CTNNA3: variants seen among roughly 807,000 people sequenced by gnomAD.
CTNNA3 encodes the protein catenin alpha-3.
Under a neutral mutation model 95.7 loss-of-function variants are expected in CTNNA3, and 76 were observed. That is an observed-to-expected ratio of 0.79 (90% CI 0.66 to 0.96). The LOEUF (loss-of-function observed/expected upper bound fraction) is 0.96. Among genes scored for constraint, CTNNA3 ranks in the 40% least tolerant of loss-of-function variants. CTNNA3 has a pLI of 0.00. For synonymous variants in CTNNA3, 431 were observed against 374.4 expected (o/e 1.15, Z -1.74); for missense variants, 1,191 against 1,089.8 (o/e 1.09, Z -1.31).
chr10:67,502,711 G>T (rs1358688007), intron 5 of CTNNA3, among the ~76,000 whole-genome samples: 1 of 152,200 alleles, frequency 6.6e-6, no homozygotes, highest in Non-Finnish European at 1.5e-5. Context: ...CAGCGGCTTT[G>T]CTGAGCTGTG....
chr10:66,124,977 A>G (rs868596114), intron 13 of CTNNA3, among the ~76,000 whole-genome samples: 1 of 152,304 alleles, frequency 6.6e-6, no homozygotes. Flanking sequence ...TGAATTGTCA[A>G]TTAGGAAAAA....
rs545789788 is a variant in CTNNA3 at position 67,743,216 on chromosome 10, C to T, written c.-2+20218G>A. On this transcript the variant is annotated intron_variant, in intron 1 of 17. Coordinates refer to the CTNNA3 transcript ENST00000684154. ...CACAACCAAAAAGAGAATTTTAGACCAATATCCTTGATGAACATTGATGCA... is the reference window on the plus strand; with the variant it reads ...CACAACCAAAAAGAGAATTTTAGACTAATATCCTTGATGAACATTGATGCA... 7.7e-4 allele frequency among the ~76,000 whole-genome samples: 117 copies of T among 151,274 alleles called. 1 individual carries two copies. The highest frequency in any genetic ancestry group is 2.7e-3 in the African/African-American group (113 of 41,402).
chr10:66,419,320 T>A (rs1228230630), intron 11 of CTNNA3, among the ~76,000 whole-genome samples: 3 of 151,832 alleles, frequency 2.0e-5, no homozygotes, highest in Admixed American at 6.6e-5. Context: ...AAAAATTACA[T>A]AGGAATAAAC....
At chr10:66,445,889 GT>G (rs1179330879) in intron 11 of CTNNA3, among the ~76,000 whole-genome samples, 1 of 152,078 alleles carries the variant, frequency 6.6e-6, no homozygotes, top group Non-Finnish European at 1.5e-5. Flanking sequence ...CCAGGAGCTG[GT>G]TTTTTGAAAA....
At chr10:66,249,462 AG>A (rs2090463321) in intron 13 of CTNNA3, among the ~76,000 whole-genome samples, 1 of 152,182 alleles carries the variant, frequency 6.6e-6, no homozygotes. Flanking sequence ...AGTGGGCAAA[AG>A]ATCTGAATAA....
intron 10 of CTNNA3, among the ~76,000 whole-genome samples, chr10:66,615,941 C>G (rs561122740): frequency 1.3e-5 from 2 of 152,020 alleles, no homozygotes; most frequent in Non-Finnish European, 2.9e-5. Flanking sequence ...GACCATTCTA[C>G]CTTTCTCAGT....
intron 11 of CTNNA3, among the ~76,000 whole-genome samples, chr10:66,432,922 G>T (rs182190635): frequency 8.9e-4 from 135 of 152,130 alleles, no homozygotes; most frequent in African/African-American, 3.1e-3. Context: ...TCCTTTGTTA[G>T]TTTGCTGAGA....
Position 67,209,044 on chromosome 10 carries a change from T to G in CTNNA3, c.843+10563A>C, listed in dbSNP as rs547610412. Among the ~76,000 whole-genome samples, 242 of 151,580 alleles carry G rather than the reference T, an allele frequency of 1.6e-3. 4 individuals carry two copies. The highest frequency in any genetic ancestry group is 5.2e-3 in the African/African-American group (215 of 41,186). ...TAATAATATAAGGGTATTGTTATTT[T>G]TTGTTGTTGTTGTTGTTGTTGTTAA... On this transcript the variant is annotated intron_variant, in intron 6 of 17. Transcript: ENST00000433211.
intron 6 of CTNNA3, among the ~76,000 whole-genome samples, chr10:67,199,110 G>T: frequency 6.6e-6 from 1 of 152,070 alleles, no homozygotes; most frequent in Non-Finnish European, 1.5e-5. Context: ...CAGGATAGAA[G>T]AGGAGGAACT....
In CTNNA3 at chr10:67,370,906, G is replaced by A. The variant is rs1401704290; in HGVS notation, c.579+150936C>T. ...TTTTGAGACAGAGTCTCGCTCTGTC[G>A]CCCAGGCTGGAGTGCAGTGGCGGGA... On this transcript the variant is annotated intron_variant, in intron 5 of 17. Transcript: ENST00000433211. Among the ~76,000 whole-genome samples, 8 of 142,672 alleles carry A rather than the reference G, an allele frequency of 5.6e-5. No homozygotes were observed. In the East Asian group the frequency reaches 6.1e-4, roughly 11 times the overall value. The allele number at this position is 142,672 out of a possible 152,430, so 93.6% of individuals were successfully genotyped here.
At chr10:65,976,801 T>A (rs1480616837) in intron 16 of CTNNA3, among the ~76,000 whole-genome samples, 1 of 152,138 alleles carries the variant, frequency 6.6e-6, no homozygotes, top group Non-Finnish European at 1.5e-5. Context: ...TCTTTTCCCA[T>A]TTTTTAATCA....
At chr10:67,311,039 T>C (rs1840773095) in intron 5 of CTNNA3, among the ~76,000 whole-genome samples, 1 of 152,180 alleles carries the variant, frequency 6.6e-6, no homozygotes, top group African/African-American at 2.4e-5. Context: ...ACAGAAAAGG[T>C]AACTAGTATA....
intron 1 of CTNNA3, among the ~76,000 whole-genome samples, chr10:67,707,533 C>A (rs1365463744): frequency 6.6e-6 from 1 of 152,096 alleles, no homozygotes; most frequent in African/African-American, 2.4e-5. Flanking sequence ...AGAGGTCTTT[C>A]TTTACTATTT....
intron 7 of CTNNA3, among the ~76,000 whole-genome samples, chr10:67,070,729 G>C (rs898737972): frequency 6.6e-6 from 1 of 151,196 alleles, no homozygotes; most frequent in Non-Finnish European, 1.5e-5. Flanking sequence ...CCTGGCAACA[G>C]AGCAAGACCC....
intron 17 of CTNNA3, among the ~76,000 whole-genome samples, chr10:65,936,433 C>T (rs1455373001): frequency 6.6e-6 from 1 of 152,038 alleles, no homozygotes; most frequent in Non-Finnish European, 1.5e-5. Context: ...TGGCATCAAG[C>T]TGTCTTGAAG....
intron 9 of CTNNA3, among the ~76,000 whole-genome samples, chr10:66,763,568 G>GA (rs1350188972): frequency 6.6e-6 from 1 of 151,958 alleles, no homozygotes; most frequent in African/African-American, 2.4e-5. Flanking sequence ...TAAAGCAAAT[G>GA]AAACCCTGAG....
At chr10:66,661,182 A>G (rs1846251080) in intron 9 of CTNNA3, among the ~76,000 whole-genome samples, 1 of 152,158 alleles carries the variant, frequency 6.6e-6, no homozygotes, top group Admixed American at 6.5e-5. Context: ...CTAATATTAT[A>G]TTAGTCCATT....
chr10:66,306,893 A>G (rs148925086), intron 12 of CTNNA3, among the ~76,000 whole-genome samples: 4 of 152,222 alleles, frequency 2.6e-5, no homozygotes, highest in Admixed American at 6.5e-5. Context: ...TTAATAAGCA[A>G]TGAGCTTAAA....
At chr10:67,047,507 G>C (rs74586993) in intron 7 of CTNNA3, among the ~76,000 whole-genome samples, 8,354 of 152,166 alleles carry the variant, frequency 0.055, 334 homozygotes, top group South Asian at 0.19. Flanking sequence ...CCTGTCACAA[G>C]GAGAAAAGAG....
Sources: gnomAD v4.1 joint callset for allele counts (sites outside exome capture counted in the v4.1 genomes callset) on GRCh38, gnomAD v4.1.1 for gene constraint, MANE v1.5 for transcripts, NCBI Gene and HGNC (gene_info 2026-07-23, HGNC 2026-07-21) for gene names.